The following PAFAH1B1 variants were observed in gnomAD, a reference collection of about 807,000 sequenced individuals.
The protein encoded by PAFAH1B1 is platelet activating factor acetylhydrolase 1b regulatory subunit 1, also known as platelet-activating factor acetylhydrolase IB subunit beta.
PAFAH1B1 carries 2 observed loss-of-function variants against 57.5 expected under a neutral mutation model. The ratio of observed to expected loss-of-function variants is 0.03; its 90% CI spans 0.01 to 0.11. The LOEUF (loss-of-function observed/expected upper bound fraction) is 0.11, where lower values mean the gene tolerates loss of function less well. PAFAH1B1 is among the 10% of genes least tolerant of loss of function. The pLI is 1.00. For synonymous variants in PAFAH1B1, 152 were observed against 169.6 expected, an observed-to-expected ratio of 0.90 and a Z score of 0.81; for missense variants, 257 against 512.0, an observed-to-expected ratio of 0.50 and a Z score of 4.81.
chr17:2,643,613 G>T (rs796389373), intron 2 of PAFAH1B1, among the ~76,000 whole-genome samples: 7 of 151,698 alleles, frequency 4.6e-5, no homozygotes, highest in African/African-American at 1.7e-4. Flanking sequence ...AGACTGGAGT[G>T]CAGTGGGGTG....
chr17:2,676,494 G>A lies in PAFAH1B1; in HGVS notation c.901-11G>A. 6.4e-7 allele frequency: 1 copy of A among 1,560,716 alleles called. No homozygotes were observed. Among genetic ancestry groups the A allele is most frequent in the South Asian group, 1.1e-5 (1 of 89,940 alleles). ...GTGTGGGAAACTTAATTTTTATTAT[G>A]TTTTCTGTAGACTAAAAAAAGTGGT... On this transcript the variant is annotated splice_polypyrimidine_tract_variant and intron_variant, in intron 8 of 10. Transcript: ENST00000397195.
intron 1 of PAFAH1B1, among the ~76,000 whole-genome samples, chr17:2,614,767 T>G (rs1314189080): frequency 6.6e-6 from 1 of 152,074 alleles, no homozygotes; most frequent in Non-Finnish European, 1.5e-5. Context: ...CTTTTCTTTT[T>G]TTTTAGAGAT....
chr17:2,670,522 G>A lies in PAFAH1B1; in HGVS notation c.568+191G>A. ...AGTGCTTTCTATTAGGAAGTTTTAA[G>A]TATCTTTTAGTACTTTACATAAAAT... On this transcript the variant is annotated intron_variant, in intron 6 of 10. Coordinates refer to ENST00000397195, the MANE Select transcript of PAFAH1B1 (RefSeq NM_000430.4). 4 of 591,560 alleles carry A rather than the reference G, an allele frequency of 6.8e-6. No individual in the cohort carries two copies. In the South Asian group the frequency reaches 8.3e-5, roughly 12 times the overall value. 36.6% of individuals were successfully genotyped at this position (591,560 alleles called of 1,614,324 possible).
At chr17:2,653,418 TA>T (rs34906915) in intron 2 of PAFAH1B1, among the ~76,000 whole-genome samples, 11,801 of 147,112 alleles carry the variant, frequency 0.08, 682 homozygotes, top group East Asian at 0.27. Flanking sequence ...TTAAAAGTAT[TA>T]AAAAAAAAAA....
chr17:2,668,416 G>A (rs2069137283), intron 5 of PAFAH1B1, among the ~76,000 whole-genome samples: 1 of 152,194 alleles, frequency 6.6e-6, no homozygotes, highest in African/African-American at 2.4e-5. Flanking sequence ...GCCGGGTGTG[G>A]TAGCTCATGC....
chr17:2,648,468 A>G (rs11078285), intron 2 of PAFAH1B1, among the ~76,000 whole-genome samples: 43,592 of 151,862 alleles, frequency 0.29, 6,439 homozygotes, highest in Middle Eastern at 0.36. Flanking sequence ...CTTGAGGTCA[A>G]GAGTTCAAGA....
chr17:2,672,285 C>CAAAAA lies in PAFAH1B1; in HGVS notation c.569-347_569-343dup, dbSNP rs35332619. Among the ~76,000 whole-genome samples the CAAAAA allele has an allele frequency of 5.3e-4, 37 of 69,564 alleles. 1 individual carries two copies. The highest frequency in any genetic ancestry group is 2.1e-3 in the African/African-American group (32 of 14,958). 45.6% of individuals were successfully genotyped at this position (69,564 alleles called of 152,430 possible). ...GGTAACAGAGCAAGTCCTTGCCTCA[C>CAAAAA]AAAAAAAAAAAAAAAAAAAAAAAAA... On this transcript the variant is annotated intron_variant, in intron 6 of 10. Coordinates refer to ENST00000397195, the MANE Select transcript of PAFAH1B1 (RefSeq NM_000430.4).
chr17:2,638,422 A>G lies in PAFAH1B1; in HGVS notation c.32+102A>G, dbSNP rs1312748535. The G allele has an allele frequency of 1.5e-5, 14 of 917,896 alleles. No individual in the cohort carries two copies. In the East Asian group the frequency reaches 1.5e-4, roughly 10 times the overall value. 56.9% of individuals were successfully genotyped at this position (917,896 alleles called of 1,614,324 possible). On this transcript the variant is annotated intron_variant, in intron 2 of 10. Transcript: ENST00000397195. ...GGAGGTCTCTTCTAAGATTAAAACT[A>G]TTTTTACCAGTGTTCCAATATTAGT...
At chr17:2,638,478 CTTA>C (rs912656878) in intron 2 of PAFAH1B1, 158 bp downstream of exon 2, 19 of 654,426 alleles carry the variant, frequency 2.9e-5, no homozygotes, top group Admixed American at 2.8e-4. Flanking sequence ...TTAAAACAGT[CTTA>C]TTATGATATA....
chr17:2,624,159 A>G (rs1001583879), intron 1 of PAFAH1B1, among the ~76,000 whole-genome samples: 2 of 152,134 alleles, frequency 1.3e-5, no homozygotes, highest in Non-Finnish European at 2.9e-5. Flanking sequence ...CCTCATTTCC[A>G]TCTGAGACCA....
intron 2 of PAFAH1B1, among the ~76,000 whole-genome samples, chr17:2,663,684 G>C (rs1175922184): frequency 7.0e-6 from 1 of 143,630 alleles, no homozygotes; most frequent in Non-Finnish European, 1.5e-5. Flanking sequence ...AAAGGTGGTA[G>C]TGCTAAAATT....
chr17:2,656,973 G>A (rs188858594), intron 2 of PAFAH1B1, among the ~76,000 whole-genome samples: 21 of 152,160 alleles, frequency 1.4e-4, no homozygotes, highest in Non-Finnish European at 2.8e-4. Flanking sequence ...CCAGGCTGGA[G>A]TGCAGTGGCG....
At chr17:2,601,382 C>T (rs765346578) in intron 1 of PAFAH1B1, among the ~76,000 whole-genome samples, 2 of 151,908 alleles carry the variant, frequency 1.3e-5, no homozygotes, top group Non-Finnish European at 2.9e-5. Flanking sequence ...ATCTGCCCAC[C>T]TTGGCCTCCC....
intron 1 of PAFAH1B1, among the ~76,000 whole-genome samples, chr17:2,627,795 T>C (rs2068510845): frequency 6.6e-6 from 1 of 152,244 alleles, no homozygotes; most frequent in South Asian, 2.1e-4. Flanking sequence ...TAGATGTCTT[T>C]CAACTCCTTG....
At chr17:2,652,679 A>G (rs2068879470) in intron 2 of PAFAH1B1, among the ~76,000 whole-genome samples, 1 of 152,224 alleles carries the variant, frequency 6.6e-6, no homozygotes, top group African/African-American at 2.4e-5. Context: ...ATGGGAATGT[A>G]CTATAGCTGC....
intron 9 of PAFAH1B1, among the ~76,000 whole-genome samples, chr17:2,677,894 C>T (rs2069297174): frequency 6.6e-6 from 1 of 151,668 alleles, no homozygotes; most frequent in African/African-American, 2.4e-5. Flanking sequence ...AAATGAAACT[C>T]TCCTCTAGTA....
At chr17:2,670,908 A>G (rs970664438) in intron 6 of PAFAH1B1, among the ~76,000 whole-genome samples, 2 of 152,204 alleles carry the variant, frequency 1.3e-5, no homozygotes, top group African/African-American at 4.8e-5. Flanking sequence ...AACAGAGGTA[A>G]TAATACCAGA....
At position 2,628,409 on chromosome 17, in the gene PAFAH1B1, C is replaced by G. The variant is rs372436685; in HGVS notation, c.-190-9690C>G. On this transcript the variant is annotated intron_variant, in intron 1 of 10. Transcript: ENST00000397195. ...CATATATTAAACCATCCCTGCATCC[C>G]TAATATGAAACCTACTTGATCATGG... Among the ~76,000 whole-genome samples, 14 of 152,246 alleles carry G rather than the reference C, an allele frequency of 9.2e-5. 1 individual carries two copies. In the East Asian group the frequency reaches 1.2e-3, roughly 13 times the overall value.
At chr17:2,594,299 C>G (rs891103138) in intron 1 of PAFAH1B1, among the ~76,000 whole-genome samples, 1 of 152,232 alleles carries the variant, frequency 6.6e-6, no homozygotes, top group Non-Finnish European at 1.5e-5. Flanking sequence ...GCCTCTGCGA[C>G]CCCCGCCCCG....
Sources: gnomAD v4.1 joint callset for allele counts (sites outside exome capture counted in the v4.1 genomes callset) on GRCh38, gnomAD v4.1.1 for gene constraint, MANE v1.5 for transcripts, NCBI Gene and HGNC (gene_info 2026-07-23, HGNC 2026-07-21) for gene names.